Variants in CFAP58 observed in about 807,000 individuals in gnomAD.
CFAP58 encodes the protein cilia- and flagella-associated protein 58.
Under a neutral mutation model 119.5 loss-of-function variants are expected in CFAP58, and 88 were observed. The observed-to-expected ratio is 0.74, with a 90% CI of 0.62 to 0.88. The LOEUF is 0.88. Among genes scored for constraint, CFAP58 ranks in the 40% least tolerant of loss-of-function variants. CFAP58 has a pLI of 0.00. For missense variants in CFAP58, 990 were observed against 1,021.2 expected, an observed-to-expected ratio of 0.97 and a Z score of 0.42; for synonymous variants, 365 against 366.3, an observed-to-expected ratio of 1.00 and a Z score of 0.04.
chr10:104,353,948 TC>T (rs1308802288), intron 1 of CFAP58, 42 bp downstream of exon 1: 18 of 1,606,100 alleles, frequency 1.1e-5, no homozygotes, highest in Non-Finnish European at 1.5e-5. Flanking sequence ...CCTTGACCCC[TC>T]CCCATTGTCC....
chr10:104,343,983 T>C, the CFAP58 span, among the ~76,000 whole-genome samples: 1 of 152,230 alleles, frequency 6.6e-6, no homozygotes, highest in Non-Finnish European at 1.5e-5. Context: ...GCTCAAGTGA[T>C]CCTCCTTCCT....
intron 2 of CFAP58, among the ~76,000 whole-genome samples, chr10:104,360,655 C>T (rs565364998): frequency 3.7e-4 from 57 of 152,168 alleles, no homozygotes; most frequent in African/African-American, 1.3e-3. Context: ...TCCGAAAGGC[C>T]CCAGTGTGTG....
chr10:104,447,944 C>G (rs2013137206), intron 16 of CFAP58, 127 bp downstream of exon 16: 1 of 1,193,842 alleles, frequency 8.4e-7, no homozygotes, highest in Non-Finnish European at 1.2e-6. Context: ...GAGGTCAGCT[C>G]CCTTAGAGCT....
chr10:104,408,320 A>T lies in CFAP58; in HGVS notation c.2256+1527A>T, dbSNP rs116618907. The stretch of plus-strand genomic sequence containing the variant: ...ACATTGTACAAATCTCAGTTTTCCC[A>T]TCTGTAAAATGGGGATAATAATACG... On this transcript the variant is annotated intron_variant, in intron 15 of 17. Transcript: ENST00000369704. Among the ~76,000 whole-genome samples, 1,154 of 152,310 alleles carry T rather than the reference A, an allele frequency of 7.6e-3. 12 individuals are homozygous for T. The highest frequency in any genetic ancestry group is 0.026 in the African/African-American group (1,097 of 41,552).
At chr10:104,408,571 G>A (rs1348115295) in intron 15 of CFAP58, among the ~76,000 whole-genome samples, 1 of 152,150 alleles carries the variant, frequency 6.6e-6, no homozygotes, top group African/African-American at 2.4e-5. Context: ...TTCCTTGTGT[G>A]TTCTGTTATC....
chr10:104,370,860 A>G (rs1389442324), intron 6 of CFAP58, 35 bp from the exon 7 acceptor site: 1 of 1,582,608 alleles, frequency 6.3e-7, no homozygotes, highest in Non-Finnish European at 8.6e-7. Context: ...CTTCATTTAC[A>G]AAGTGACTCA....
the CFAP58 span, among the ~76,000 whole-genome samples, chr10:104,344,376 T>C: frequency 2.0e-5 from 3 of 152,244 alleles, no homozygotes; most frequent in Non-Finnish European, 4.4e-5. Flanking sequence ...GTTGGCAAAC[T>C]ATGGCTGTCA....
At chr10:104,399,120 G>A (rs1323248405) in intron 11 of CFAP58, among the ~76,000 whole-genome samples, 1 of 152,020 alleles carries the variant, frequency 6.6e-6, no homozygotes, top group Non-Finnish European at 1.5e-5. Context: ...AATCCCTCAA[G>A]GGCACAACTC....
At position 104,362,116 on chromosome 10, in the gene CFAP58, A is replaced by G. The variant is rs1012522394; in HGVS notation, c.385A>G (p.Asn129Asp). 2 of 1,614,134 alleles carry G rather than the reference A, an allele frequency of 1.2e-6. No individual in the cohort carries two copies. The highest frequency in any genetic ancestry group is 1.7e-6 in the Non-Finnish European group (2 of 1,180,012). ...TILALKEEIV[N>D]LTKLVEQGSG... ...TCTTGCTCTGAAAGAGGAAATAGTGAACCTGACCAAACTAGTGGAGCAGGG... is the reference window on the plus strand; with the variant it reads ...TCTTGCTCTGAAAGAGGAAATAGTGGACCTGACCAAACTAGTGGAGCAGGG... The change falls in exon 3 of 18, where the codon AAC (asparagine) becomes GAC (aspartate). Residue 129 changes from asparagine (N) to aspartate (D), a missense_variant. Physicochemically the swap from Asn to Asp is conservative, Grantham distance 23. Transcript: ENST00000369704.
intron 9 of CFAP58, among the ~76,000 whole-genome samples, chr10:104,383,764 A>G (rs566859278): frequency 2.0e-5 from 3 of 151,314 alleles, no homozygotes; most frequent in Admixed American, 2.0e-4. Flanking sequence ...ACACACACAC[A>G]CACACACACA....
Position 104,450,065 on chromosome 10 carries a change from T to A in CFAP58, c.2377-6T>A. ...TTTGTTAATGCTGCTTTATTTGCCA[T>A]GTTAGGTTTTGTCTTCAGAATTGAA... On this transcript the variant is annotated splice_polypyrimidine_tract_variant and splice_region_variant and intron_variant, in intron 16 of 17. Coordinates refer to ENST00000369704, the MANE Select transcript of CFAP58 (RefSeq NM_001008723.2). 1 of 1,588,388 alleles carries A rather than the reference T, an allele frequency of 6.3e-7. No individual in the cohort carries two copies. Among genetic ancestry groups the A allele is most frequent in the Non-Finnish European group, 8.5e-7 (1 of 1,172,060 alleles).
chr10:104,353,026 G>C (rs2014482696), upstream of CFAP58: 1 of 152,150 alleles, frequency 6.6e-6, no homozygotes, highest in Non-Finnish European at 1.5e-5. Context: ...GGGGTTGGGA[G>C]TAGGGATGGG....
At chr10:104,451,466 C>T (rs2013194424) in intron 17 of CFAP58, among the ~76,000 whole-genome samples, 1 of 152,186 alleles carries the variant, frequency 6.6e-6, no homozygotes, top group African/African-American at 2.4e-5. Context: ...ATTAAACATA[C>T]AGGTTCCCAG....
chr10:104,414,021 A>G (rs2012504590), intron 15 of CFAP58, among the ~76,000 whole-genome samples: 1 of 152,170 alleles, frequency 6.6e-6, no homozygotes, highest in Admixed American at 6.5e-5. Flanking sequence ...TTTGCATGCC[A>G]TGATCAGAAA....
the CFAP58 span, among the ~76,000 whole-genome samples, chr10:104,347,156 T>C: frequency 6.6e-6 from 1 of 152,066 alleles, no homozygotes; most frequent in Non-Finnish European, 1.5e-5. Context: ...TGGGTAGTTA[T>C]GACACTGCTG....
chr10:104,370,867 C>T (rs1351299835), intron 6 of CFAP58, 28 bp from the exon 7 acceptor site: 6 of 1,586,540 alleles, frequency 3.8e-6, no homozygotes, highest in Non-Finnish European at 5.1e-6. Context: ...TACAAAGTGA[C>T]TCATTAATTC....
chr10:104,447,547 A>G, intron 15 of CFAP58, 151 bp from the exon 16 acceptor site: 1 of 932,916 alleles, frequency 1.1e-6, no homozygotes, highest in Non-Finnish European at 1.6e-6. Flanking sequence ...GTTTCAATGC[A>G]TGACTGAATG....
intron 15 of CFAP58, among the ~76,000 whole-genome samples, chr10:104,439,348 T>C (rs1213422407): frequency 2.0e-5 from 3 of 152,322 alleles, no homozygotes; most frequent in African/African-American, 7.2e-5. Flanking sequence ...TAGTCAGATA[T>C]ATGAAATCAA....
chr10:104,372,967 C>A (rs2014843916), intron 7 of CFAP58, among the ~76,000 whole-genome samples: 1 of 151,962 alleles, frequency 6.6e-6, no homozygotes, highest in South Asian at 2.1e-4. Flanking sequence ...GATTTGCTAC[C>A]ACAGAAACCA....
Sources: allele counts gnomAD v4.1 joint callset (sites outside exome capture counted in the v4.1 genomes callset), GRCh38; gene constraint gnomAD v4.1.1; transcripts MANE v1.5; gene names NCBI Gene and HGNC (gene_info 2026-07-23, HGNC 2026-07-21).